The following PKIB variants were observed in gnomAD, a reference collection of about 807,000 sequenced individuals.
The protein encoded by PKIB is cAMP-dependent protein kinase inhibitor beta, also known as PKI-beta.
Under a neutral mutation model 4.5 loss-of-function variants are expected in PKIB, and 2 were observed. The observed-to-expected ratio is 0.44, with a 90% confidence interval of 0.18 to 1.39. PKIB has a LOEUF of 1.39. Among genes scored for constraint, PKIB ranks in the 40% most tolerant of loss-of-function variants. PKIB has a pLI of 0.27. For missense variants in PKIB, 94 were observed against 92.6 expected (o/e 1.02, Z -0.06); for synonymous variants, 38 against 36.0 (o/e 1.06, Z -0.20).
chr6:122,625,716 G>C (rs1775413623), intron 1 of PKIB, among the ~76,000 whole-genome samples: 1 of 152,062 alleles, frequency 6.6e-6, no homozygotes, highest in South Asian at 2.1e-4. Flanking sequence ...GCCAAGGTTA[G>C]TTTAAAAACT....
chr6:122,574,193 C>T (rs1029044524), intron 2 of PKIB, among the ~76,000 whole-genome samples: 1 of 152,018 alleles, frequency 6.6e-6, no homozygotes, highest in African/African-American at 2.4e-5. Flanking sequence ...AAAATAAGAA[C>T]ACAAAAATCT....
intron 2 of PKIB, among the ~76,000 whole-genome samples, chr6:122,577,664 C>T (rs746487754): frequency 1.1e-4 from 17 of 152,184 alleles, no homozygotes; most frequent in Admixed American, 7.9e-4. Context: ...AATCCTAGCA[C>T]TTTAGGAGGC....
chr6:122,491,497 C>T (rs574476255), intron 2 of PKIB, among the ~76,000 whole-genome samples: 43 of 152,270 alleles, frequency 2.8e-4, no homozygotes, highest in African/African-American at 1.0e-3. Context: ...GGAGCCCTCT[C>T]CTCCCCCGCT....
intron 2 of PKIB, among the ~76,000 whole-genome samples, chr6:122,540,872 G>A (rs1777574089): frequency 6.6e-6 from 1 of 150,430 alleles, no homozygotes; most frequent in Non-Finnish European, 1.5e-5. Flanking sequence ...CTCCTGTATT[G>A]GGTGCATATA....
chr6:122,690,294 G>C (rs1041527144), intron 3 of PKIB, among the ~76,000 whole-genome samples: 1 of 151,582 alleles, frequency 6.6e-6, no homozygotes, highest in Non-Finnish European at 1.5e-5. Flanking sequence ...TTGCCATTTA[G>C]TTGTTTTCTA....
intron 2 of PKIB, among the ~76,000 whole-genome samples, chr6:122,494,324 AT>A (rs34205581): frequency 0.14 from 20,581 of 152,120 alleles, 1,519 homozygotes; most frequent in East Asian, 0.26. Flanking sequence ...CTGGACTTCT[AT>A]TTACCCTTTT....
chr6:122,677,933 A>G (rs1777750997), intron 3 of PKIB, among the ~76,000 whole-genome samples: 1 of 146,136 alleles, frequency 6.8e-6, no homozygotes, highest in African/African-American at 2.6e-5. Context: ...TTTGAAATGG[A>G]GTCTCGCTCT....
intron 3 of PKIB, among the ~76,000 whole-genome samples, chr6:122,601,039 C>A (rs1774347968): frequency 6.7e-6 from 1 of 149,482 alleles, no homozygotes; most frequent in Non-Finnish European, 1.5e-5. Context: ...TATAAACTAA[C>A]AGCAGTTTAA....
At chr6:122,513,343 G>A (rs1416383376) in intron 2 of PKIB, among the ~76,000 whole-genome samples, 1 of 152,140 alleles carries the variant, frequency 6.6e-6, no homozygotes, top group African/African-American at 2.4e-5. Flanking sequence ...CAGCTCTCTT[G>A]CTTTTACTCT....
intron 2 of PKIB, among the ~76,000 whole-genome samples, chr6:122,542,985 G>A (rs867356220): frequency 2.0e-5 from 3 of 152,106 alleles, no homozygotes; most frequent in African/African-American, 2.4e-5. Flanking sequence ...CTAGCAATCA[G>A]CGAGACTCCA....
chr6:122,617,272 C>T (rs775332094), intron 1 of PKIB, among the ~76,000 whole-genome samples: 1 of 152,048 alleles, frequency 6.6e-6, no homozygotes, highest in South Asian at 2.1e-4. Context: ...TGTGGAAATA[C>T]GGGGTTGAGG....
At chr6:122,709,994 A>C (rs1268322966) in intron 3 of PKIB, among the ~76,000 whole-genome samples, 1 of 152,162 alleles carries the variant, frequency 6.6e-6, no homozygotes, top group Non-Finnish European at 1.5e-5. Context: ...ATACTGAATA[A>C]CTGAACTTTC....
chr6:122,533,741 G>A (rs1308168457), intron 2 of PKIB, among the ~76,000 whole-genome samples: 1 of 152,148 alleles, frequency 6.6e-6, no homozygotes, highest in East Asian at 1.9e-4. Flanking sequence ...TGAGAACATT[G>A]CCTGATTATA....
At chr6:122,684,595 A>G (rs918033854) in intron 3 of PKIB, among the ~76,000 whole-genome samples, 3 of 152,200 alleles carry the variant, frequency 2.0e-5, no homozygotes, top group Non-Finnish European at 4.4e-5. Context: ...AGTTTGCCCT[A>G]GAAGTCCAGT....
chr6:122,577,247 T>C (rs1048414483), intron 2 of PKIB, among the ~76,000 whole-genome samples: 1 of 152,202 alleles, frequency 6.6e-6, no homozygotes, highest in Admixed American at 6.5e-5. Context: ...AAAATGAGAT[T>C]AAAACCTGAC....
In PKIB at chr6:122,550,870, C is replaced by A. The variant is rs144567428; in HGVS notation, c.-247-35051C>A. Among the ~76,000 whole-genome samples the A allele has an allele frequency of 1.6e-4, 24 of 152,264 alleles. No homozygotes were observed. The East Asian group carries it at 4.0e-3, about 26-fold the overall frequency. ...GAGAAATACAATATTTGAGAGTATG[C>A]ATACTTGAAAATGTCTTTATTTTAC... On this transcript the variant is annotated intron_variant, in intron 2 of 6. Coordinates refer to the PKIB transcript ENST00000392491.
chr6:122,545,501 C>A (rs762292082), intron 2 of PKIB, among the ~76,000 whole-genome samples: 1 of 151,668 alleles, frequency 6.6e-6, no homozygotes, highest in Non-Finnish European at 1.5e-5. Context: ...GGGTAAATTG[C>A]GTGATGCAGG....
intron 3 of PKIB, among the ~76,000 whole-genome samples, chr6:122,689,344 G>T (rs964894391): frequency 6.6e-6 from 1 of 152,020 alleles, no homozygotes; most frequent in Admixed American, 6.5e-5. Context: ...TCTTTAATAT[G>T]CATCATTGAG....
intron 2 of PKIB, among the ~76,000 whole-genome samples, chr6:122,556,787 C>T (rs1772855469): frequency 6.6e-6 from 1 of 152,194 alleles, no homozygotes; most frequent in South Asian, 2.1e-4. Context: ...CCACAAGTAA[C>T]TGAAAGCTTG....
Sources: gnomAD v4.1 joint callset for allele counts (sites outside exome capture counted in the v4.1 genomes callset) on GRCh38, gnomAD v4.1.1 for gene constraint, MANE v1.5 for transcripts, NCBI Gene and HGNC (gene_info 2026-07-23, HGNC 2026-07-21) for gene names.